The following EHD1 variants were observed in gnomAD, a reference collection of about 807,000 sequenced individuals.
The protein encoded by EHD1 is EH domain containing 1, also known as EH domain-containing protein 1.
In EHD1, 19 loss-of-function variants were observed where a neutral mutation model predicts 39.0. The ratio of observed to expected loss-of-function variants is 0.49; its 90% CI spans 0.34 to 0.72. The LOEUF (loss-of-function observed/expected upper bound fraction) is 0.72, where lower values mean the gene tolerates loss of function less well. EHD1 is among the 30% of genes least tolerant of loss of function. The probability of loss-of-function intolerance (pLI) is 0.01; values close to 1 mark genes in which losing one functional copy is unlikely to be tolerated. For missense variants in EHD1, 542 were observed against 751.5 expected (o/e 0.72, Z 3.26); for synonymous variants, 323 against 331.2 (o/e 0.98, Z 0.27).
At chr11:64,879,636 T>C, upstream of EHD1, 1 of 1,550,950 alleles carries the variant, frequency 6.4e-7, no homozygotes, top group Non-Finnish European at 8.7e-7. Context: ...TCCATGGGGC[T>C]CACTCCCCCG....
intron 2 of EHD1, among the ~76,000 whole-genome samples, chr11:64,870,450 T>G (rs1169798094): frequency 1.3e-5 from 2 of 152,232 alleles, no homozygotes; most frequent in Non-Finnish European, 2.9e-5. Flanking sequence ...AGCTTCCTCC[T>G]AGATGCAGCT....
At chr11:64,872,328 G>C (rs1943838838) in intron 2 of EHD1, among the ~76,000 whole-genome samples, 1 of 152,322 alleles carries the variant, frequency 6.6e-6, no homozygotes, top group Admixed American at 6.5e-5. Context: ...AGGCGTGGTG[G>C]CATGCACCTG....
Position 64,876,364 on chromosome 11 carries a change from T to C in EHD1, c.404+1697A>G, listed in dbSNP as rs938116043. The stretch of plus-strand genomic sequence containing the variant: ...CACACTACACATCCTGGCACAGCTC[T>C]GGGCCTCAGCGTGGGCTGATAGGGC... On this transcript the variant is annotated intron_variant, in intron 1 of 4. Coordinates refer to ENST00000320631, the MANE Select transcript of EHD1 (RefSeq NM_006795.4). Among the ~76,000 whole-genome samples the C allele has an allele frequency of 3.9e-5, 6 of 152,232 alleles. No homozygotes were observed. The South Asian group carries it at 1.2e-3, about 32-fold the overall frequency.
chr11:64,866,855 A>G (rs956424916), intron 2 of EHD1, among the ~76,000 whole-genome samples: 3 of 152,174 alleles, frequency 2.0e-5, no homozygotes, highest in African/African-American at 7.2e-5. Flanking sequence ...AAGGACAGAT[A>G]CGGCACTGTA....
At chr11:64,861,421 T>C (rs902374271) in intron 2 of EHD1, among the ~76,000 whole-genome samples, 1 of 152,166 alleles carries the variant, frequency 6.6e-6, no homozygotes, top group South Asian at 2.1e-4. Flanking sequence ...GGGTAGAACA[T>C]AGACTCCAGT....
chr11:64,867,002 G>A (rs1943774558), intron 2 of EHD1, among the ~76,000 whole-genome samples: 1 of 152,176 alleles, frequency 6.6e-6, no homozygotes, highest in Admixed American at 6.5e-5. Flanking sequence ...CATTTGGGAA[G>A]TGAAGAGCTC....
In EHD1 at chr11:64,854,298, G is replaced by A. The variant is rs200832610; in HGVS notation, c.*35C>T. On this transcript the variant is annotated 3_prime_UTR_variant, in exon 5 of 5. Transcript: ENST00000320631. ...CTCCCCCCGTCTCTGCCTCCCGGCC[G>A]GGCGTGCAAATGGCAGGTGCGGGGC... 17 of 1,562,928 alleles carry A rather than the reference G, an allele frequency of 1.1e-5. No homozygotes were observed. Among genetic ancestry groups the A allele is most frequent in the Admixed American group, 7.0e-5 (4 of 57,010 alleles).
intron 3 of EHD1, among the ~76,000 whole-genome samples, chr11:64,858,127 G>C (rs767939646): frequency 1.1e-3 from 172 of 150,326 alleles, no homozygotes; most frequent in Middle Eastern, 3.5e-3. Context: ...TCCTGCTTTG[G>C]CCTCCCAAAG....
intron 2 of EHD1, among the ~76,000 whole-genome samples, chr11:64,869,196 T>C (rs1019749690): frequency 2.0e-5 from 3 of 152,252 alleles, no homozygotes; most frequent in Non-Finnish European, 2.9e-5. Context: ...CCACCGCCAG[T>C]GCGCAGCCTG....
At chr11:64,855,120 AG>A in intron 4 of EHD1, 1 of 939,686 alleles carries the variant, frequency 1.1e-6, no homozygotes. Context: ...CCCACCACGC[AG>A]GGTGAGTCAC....
At chr11:64,874,384 A>G (rs1201097075) in intron 2 of EHD1, 37 bp downstream of exon 2, 1 of 1,554,306 alleles carries the variant, frequency 6.4e-7, no homozygotes, top group Admixed American at 1.9e-5. Context: ...GATGTGTGAC[A>G]ACACCAGCAG....
chr11:64,854,360 C>G lies in EHD1; in HGVS notation c.1578G>C (p.Val526=). Residue 526 remains valine, a synonymous_variant, in exon 5 of 5, where the codon GTG becomes GTC. Coordinates refer to ENST00000320631, the MANE Select transcript of EHD1 (RefSeq NM_006795.4). ...ELPADLPPHL[V]PPSKRRHE ...ACTCATGTCTGCGCTTGGAGGGCGG[C>G]ACCAGGTGCGGGGGCAGGTCGGCGG... 6.2e-7 allele frequency: 1 copy of G among 1,611,382 alleles called. No homozygotes were observed. Among genetic ancestry groups the G allele is most frequent in the South Asian group, 1.1e-5 (1 of 90,998 alleles).
chr11:64,878,545 G>A lies in EHD1; in HGVS notation c.-81C>T. The A allele has an allele frequency of 1.4e-6, 2 of 1,476,828 alleles. No individual in the cohort carries two copies. The highest frequency in any genetic ancestry group is 8.9e-7 in the Non-Finnish European group (1 of 1,117,578). The allele number at this position is 1,476,828 out of a possible 1,614,324, so 91.5% of individuals were successfully genotyped here. A position where few individuals can be genotyped will look rare whatever the true frequency, so the allele number is the denominator to read the frequency against. ...GAGGGTGCGGAGCCGAGGCGGGGCC[G>A]GCCGGGGCAGGGAATCGGGAGCGAC... On this transcript the variant is annotated 5_prime_UTR_variant, in exon 1 of 5. Transcript: ENST00000320631.
At chr11:64,857,879 C>G (rs887243516) in intron 3 of EHD1, among the ~76,000 whole-genome samples, 1 of 152,160 alleles carries the variant, frequency 6.6e-6, no homozygotes, top group African/African-American at 2.4e-5. Flanking sequence ...ACCCTGGTAC[C>G]CCCTGCATGC....
At position 64,863,597 on chromosome 11, in the gene EHD1, C is replaced by T. The variant is rs188792120; in HGVS notation, c.503-3261G>A. Among the ~76,000 whole-genome samples the T allele has an allele frequency of 1.4e-4, 21 of 152,344 alleles. No homozygotes were observed. In the East Asian group the frequency reaches 1.5e-3, roughly 11 times the overall value. On this transcript the variant is annotated intron_variant, in intron 2 of 4. Transcript: ENST00000320631. ...AAGATAAATGGCACCACAGGGTGTG[C>T]GGAGTCAAGCTCGCTCATGGGATAA...
intron 2 of EHD1, among the ~76,000 whole-genome samples, chr11:64,861,155 C>T (rs1943712542): frequency 6.6e-6 from 1 of 150,932 alleles, no homozygotes; most frequent in Non-Finnish European, 1.5e-5. Context: ...CACTGCAGTC[C>T]AGCCTGCGTG....
chr11:64,867,051 G>A (rs1003164109), intron 2 of EHD1, among the ~76,000 whole-genome samples: 1 of 152,174 alleles, frequency 6.6e-6, no homozygotes, highest in Non-Finnish European at 1.5e-5. Context: ...AATGAAGAAT[G>A]TGCTAAATGC....
chr11:64,857,223 G>A (rs1202443269), intron 3 of EHD1, among the ~76,000 whole-genome samples: 3 of 152,124 alleles, frequency 2.0e-5, no homozygotes, highest in Admixed American at 6.5e-5. Flanking sequence ...TCAGGAGTTC[G>A]AGACCAGCCT....
chr11:64,878,831 G>T (rs780039280), upstream of EHD1: 5 of 1,142,270 alleles, frequency 4.4e-6, no homozygotes, highest in Non-Finnish European at 3.2e-6. Flanking sequence ...CGTGGCAACC[G>T]CACCTGTTTC....
Sources: gnomAD v4.1 joint callset for allele counts (sites outside exome capture counted in the v4.1 genomes callset) on GRCh38, gnomAD v4.1.1 for gene constraint, MANE v1.5 for transcripts, NCBI Gene and HGNC (gene_info 2026-07-23, HGNC 2026-07-21) for gene names.